Variants in SYTL5 observed in about 807,000 individuals in gnomAD.
SYTL5 encodes the protein synaptotagmin like 5, also known as synaptotagmin-like protein 5.
Under a neutral mutation model 55.9 loss-of-function variants are expected in SYTL5, and 34 were observed. That is an observed-to-expected ratio of 0.61 (90% CI 0.46 to 0.81). SYTL5 has a LOEUF of 0.81. Ranked by LOEUF, SYTL5 falls within the 30% of genes least tolerant of loss-of-function variation. The pLI is 0.00. For synonymous variants in SYTL5, 221 were observed against 188.7 expected (o/e 1.17, Z -1.40); for missense variants, 637 against 546.7 (o/e 1.17, Z -1.65).
At chrX:38,115,340 C>T (rs908946144) in intron 13 of SYTL5, among the ~76,000 whole-genome samples, 13 of 103,498 alleles carry the variant, frequency 1.3e-4, no homozygotes, top group African/African-American at 3.7e-4. Flanking sequence ...AAAAATTAGC[C>T]GGGCGTGGTA....
chrX:38,116,792 T>C (rs5917539), intron 13 of SYTL5, among the ~76,000 whole-genome samples: 28,374 of 111,708 alleles, frequency 0.25, 3,159 homozygotes, highest in African/African-American at 0.4. Flanking sequence ...GACTAACTAA[T>C]GCAGCTGACT....
intron 2 of SYTL5, among the ~76,000 whole-genome samples, chrX:38,039,897 C>T (rs1321908102): frequency 1.8e-5 from 2 of 111,174 alleles, no homozygotes; most frequent in Admixed American, 1.9e-4. Context: ...TGTTTTAGGC[C>T]AGGCGTGGTG....
At chrX:38,012,637 A>G (rs998359887) in intron 1 of SYTL5, among the ~76,000 whole-genome samples, 4 of 112,406 alleles carry the variant, frequency 3.6e-5, no homozygotes, top group African/African-American at 9.7e-5. Context: ...TTTACTTAAT[A>G]CAAATAGCAG....
At chrX:37,987,811 G>A in the SYTL5 span, among the ~76,000 whole-genome samples, 1 of 111,984 alleles carries the variant, frequency 8.9e-6, no homozygotes, top group Non-Finnish European at 1.9e-5. Context: ...TGACAGTCCA[G>A]AACAGTGGGA....
intron 3 of SYTL5, among the ~76,000 whole-genome samples, chrX:38,064,542 C>T (rs1039567731): frequency 5.4e-5 from 6 of 110,525 alleles, no homozygotes; most frequent in African/African-American, 2.0e-4. Flanking sequence ...CTGGTCTTTT[C>T]CTTATTAATT....
the SYTL5 span, among the ~76,000 whole-genome samples, chrX:37,934,290 C>T: frequency 9.1e-6 from 1 of 110,103 alleles, no homozygotes; most frequent in Non-Finnish European, 1.9e-5. Flanking sequence ...TGAAGGAAAC[C>T]ACATCTAAAG....
chrX:38,077,058 C>T (rs1936409178), intron 6 of SYTL5, among the ~76,000 whole-genome samples: 1 of 111,679 alleles, frequency 9.0e-6, no homozygotes, highest in Non-Finnish European at 1.9e-5. Flanking sequence ...AAATACATTC[C>T]TTGCAGCTTT....
At chrX:37,911,101 G>A in the SYTL5 span, among the ~76,000 whole-genome samples, 1 of 107,309 alleles carries the variant, frequency 9.3e-6, no homozygotes, top group South Asian at 4.3e-4. Flanking sequence ...GAGTAGCTGG[G>A]ATTACAGGTG....
chrX:38,050,009 G>T (rs1176153727), intron 2 of SYTL5, among the ~76,000 whole-genome samples: 2 of 111,852 alleles, frequency 1.8e-5, no homozygotes, highest in African/African-American at 6.5e-5. Context: ...CAGGCACTCT[G>T]ACTTTAGAAC....
chrX:38,122,167 A>G lies in SYTL5; in HGVS notation c.1793A>G (p.Asn598Ser). 1.7e-6 allele frequency: 2 copies of G among 1,208,982 alleles called. No homozygotes were observed. The highest frequency in any genetic ancestry group is 1.1e-6 in the Non-Finnish European group (1 of 893,498). Residue 598 changes from asparagine (N) to serine (S), a missense_variant, in exon 15 of 17, where the codon AAT (asparagine) becomes AGT (serine). Transcript: ENST00000297875. ...GAAGTGTTCATCAAAGAGGCAAAGA[A>G]TTTGACAGCAGTGAAGTCAGGAGGC... ...ILEVFIKEAK[N>S]LTAVKSGGTS...
chrX:37,889,004 G>C, the SYTL5 span, among the ~76,000 whole-genome samples: 1 of 111,595 alleles, frequency 9.0e-6, no homozygotes, highest in Non-Finnish European at 1.9e-5. Flanking sequence ...AAAAATTGTG[G>C]GCATCTAGGA....
intron 9 of SYTL5, among the ~76,000 whole-genome samples, chrX:38,099,108 C>T (rs1254011990): frequency 2.7e-5 from 3 of 110,419 alleles, no homozygotes; most frequent in African/African-American, 9.8e-5. Flanking sequence ...CTAAAAATCA[C>T]GGAATTACAT....
intron 2 of SYTL5, among the ~76,000 whole-genome samples, chrX:38,034,913 T>C (rs1248642287): frequency 8.9e-6 from 1 of 112,198 alleles, no homozygotes; most frequent in Admixed American, 9.4e-5. Context: ...AACTATGCAA[T>C]GTGTAGGTTT....
At chrX:38,059,177 T>A (rs1408162838) in intron 3 of SYTL5, among the ~76,000 whole-genome samples, 2 of 111,953 alleles carry the variant, frequency 1.8e-5, no homozygotes, top group Non-Finnish European at 3.8e-5. Context: ...GACCTACTCA[T>A]TTTTTTCTTG....
chrX:38,017,991 A>G (rs780910019), intron 1 of SYTL5, among the ~76,000 whole-genome samples: 4 of 109,483 alleles, frequency 3.7e-5, no homozygotes, highest in East Asian at 2.9e-4. Context: ...CAGACCCCCA[A>G]TAAACTTGTT....
chrX:37,961,005 C>T, the SYTL5 span, among the ~76,000 whole-genome samples: 2 of 109,226 alleles, frequency 1.8e-5, no homozygotes, highest in East Asian at 2.9e-4. Context: ...ACCGTGGTCT[C>T]GATCTCCTGA....
chrX:37,893,684 A>ATCT, the SYTL5 span, among the ~76,000 whole-genome samples: 2 of 84,068 alleles, frequency 2.4e-5, no homozygotes, highest in African/African-American at 9.0e-5. Context: ...TCTATAGATA[A>ATCT]ACTATAGATT....
intron 1 of SYTL5, among the ~76,000 whole-genome samples, chrX:38,008,729 C>T (rs1934076685): frequency 8.9e-6 from 1 of 112,232 alleles, no homozygotes; most frequent in African/African-American, 3.2e-5. Flanking sequence ...TCCCCTATGA[C>T]ATAAAATCAA....
At chrX:37,999,130 T>C in the SYTL5 span, among the ~76,000 whole-genome samples, 1 of 112,157 alleles carries the variant, frequency 8.9e-6, no homozygotes, top group Non-Finnish European at 1.9e-5. Context: ...CACTTAAATG[T>C]GTGACGAAGA....
Sources: gnomAD v4.1 joint callset for allele counts (sites outside exome capture counted in the v4.1 genomes callset) on GRCh38, gnomAD v4.1.1 for gene constraint, MANE v1.5 for transcripts, NCBI Gene and HGNC (gene_info 2026-07-23, HGNC 2026-07-21) for gene names.